KIR3DL3: variants seen among roughly 807,000 people sequenced by gnomAD.
The protein encoded by KIR3DL3 is killer cell immunoglobulin like receptor, three Ig domains and long cytoplasmic tail 3, also known as killer cell immunoglobulin-like receptor 3DL3.
Under a neutral mutation model 34.9 loss-of-function variants are expected in KIR3DL3, and 27 were observed. The observed-to-expected ratio is 0.77, with a 90% CI of 0.57 to 1.07. KIR3DL3 has a LOEUF of 1.07. Among genes scored for constraint, KIR3DL3 ranks in the 50% least tolerant of loss-of-function variants. KIR3DL3 has a pLI of 0.00. For missense variants in KIR3DL3, 681 were observed against 528.5 expected, an observed-to-expected ratio of 1.29 and a Z score of -2.83; for synonymous variants, 217 against 200.2, an observed-to-expected ratio of 1.08 and a Z score of -0.71.
chr19:54,731,167 G>A (rs1182586475), intron 5 of KIR3DL3, among the ~76,000 whole-genome samples: 7 of 151,616 alleles, frequency 4.6e-5, no homozygotes, highest in South Asian at 4.2e-4. Context: ...CACCACACTC[G>A]GCTAATTTTT....
At chr19:54,732,933 A>G (rs1242097698) in intron 5 of KIR3DL3, among the ~76,000 whole-genome samples, 1 of 152,186 alleles carries the variant, frequency 6.6e-6, no homozygotes, top group Non-Finnish European at 1.5e-5. Context: ...AGTGACCGAC[A>G]TGAAAATAAG....
chr19:54,725,270 T>C lies in KIR3DL3; in HGVS notation c.58T>C (p.Trp20Arg), dbSNP rs1368128362. The C allele has an allele frequency of 2.5e-6, 4 of 1,592,604 alleles. No individual in the cohort carries two copies. The South Asian group carries it at 4.6e-5, about 18-fold the overall frequency. ...AGGGTTCTTCTTGCTGGAGGGGCCCTGGCCACATGTGGGTGAGTCCTTCCC... is the reference window on the plus strand; with the variant it reads ...AGGGTTCTTCTTGCTGGAGGGGCCCCGGCCACATGTGGGTGAGTCCTTCCC... ...CVGFFLLEGP[W>R]PHVGGQDKPF... The change falls in exon 2 of 8, where the codon TGG (tryptophan) becomes CGG (arginine). Residue 20 changes from tryptophan (W) to arginine (R), a missense_variant. Coordinates refer to ENST00000291860, the MANE Select transcript of KIR3DL3 (RefSeq NM_153443.5).
intron 5 of KIR3DL3, among the ~76,000 whole-genome samples, 191 bp downstream of exon 5, chr19:54,729,977 C>T (rs1371854530): frequency 6.8e-6 from 1 of 147,876 alleles, no homozygotes; most frequent in African/African-American, 2.5e-5. Context: ...TGCAAGGATG[C>T]CCTTGATCAG....
At chr19:54,726,449 A>G (rs1178548967) in intron 3 of KIR3DL3, 112 bp downstream of exon 3, 1 of 1,344,964 alleles carries the variant, frequency 7.4e-7, no homozygotes, top group Middle Eastern at 2.6e-4. Context: ...TATTTGGGGT[A>G]AAGGGGGATT....
intron 4 of KIR3DL3, among the ~76,000 whole-genome samples, chr19:54,728,176 A>G (rs1357969527): frequency 6.7e-6 from 1 of 150,116 alleles, no homozygotes; most frequent in South Asian, 2.2e-4. Context: ...AGACAGACAT[A>G]TCCCAGAGAG....
At chr19:54,731,076 G>A (rs986719322) in intron 5 of KIR3DL3, among the ~76,000 whole-genome samples, 55 of 151,224 alleles carry the variant, frequency 3.6e-4, no homozygotes, top group Non-Finnish European at 6.6e-4. Context: ...GCGCCATCTG[G>A]GCTCACTGCA....
chr19:54,732,865 G>C (rs1224168360), intron 5 of KIR3DL3, among the ~76,000 whole-genome samples: 1 of 152,078 alleles, frequency 6.6e-6, no homozygotes, highest in Non-Finnish European at 1.5e-5. Flanking sequence ...GCATGTTTTT[G>C]ATACTCACAG....
intron 4 of KIR3DL3, 49 bp from the exon 5 acceptor site, chr19:54,729,444 C>A: frequency 1.4e-6 from 2 of 1,433,022 alleles, no homozygotes; most frequent in Non-Finnish European, 9.5e-7. Context: ...GTGAGGAGAG[C>A]TGTGACAAGG....
chr19:54,725,902 T>C, intron 2 of KIR3DL3, 151 bp from the exon 3 acceptor site: 1 of 675,720 alleles, frequency 1.5e-6, no homozygotes, highest in Non-Finnish European at 2.6e-6. Context: ...GGAGACGCCA[T>C]GTCTATGCGG....
At position 54,726,332 on chromosome 19, in the gene KIR3DL3, T is replaced by C; in HGVS notation, c.350T>C (p.Val117Ala). The C allele has an allele frequency of 6.2e-7, 1 of 1,613,280 alleles. No homozygotes were observed. Among genetic ancestry groups the C allele is most frequent in the Non-Finnish European group, 8.5e-7 (1 of 1,179,854 alleles). ...CCCAGCAACCCTGTGGTGATCATGG[T>C]CACAGGTCAGAGGCTTTCTGTCTGG... Reference protein sequence around the residue: ...SAPSNPVVIMVTGVHRKPSLL... With the variant: ...SAPSNPVVIMATGVHRKPSLL... Residue 117 changes from valine to alanine, a missense_variant, in exon 3 of 8, where the codon GTC (valine) becomes GCC (alanine). By Grantham distance (64) the Val-to-Ala change is moderately conservative (BLOSUM62 0). Coordinates refer to ENST00000291860, the MANE Select transcript of KIR3DL3 (RefSeq NM_153443.5).
chr19:54,727,613 G>T lies in KIR3DL3; in HGVS notation c.358G>T (p.Val120Phe). ...GAACTCACAACCTCTCTTCTTAGGA[G>T]TCCACAGAAAACCTTCCCTCCTGGC... ...SNPVVIMVTG[V>F]HRKPSLLAHP... is the part of the protein sequence containing the mutation. The change falls in exon 4 of 8, where the codon GTC becomes TTC. Residue 120 changes from valine to phenylalanine, a missense_variant and splice_region_variant. Coordinates refer to ENST00000291860, the MANE Select transcript of KIR3DL3 (RefSeq NM_153443.5). 2.5e-6 allele frequency: 4 copies of T among 1,610,288 alleles called. No homozygotes were observed. The highest frequency in any genetic ancestry group is 3.4e-6 in the Non-Finnish European group (4 of 1,178,956).
intron 6 of KIR3DL3, 38 bp downstream of exon 6, chr19:54,735,395 C>T (rs1397160769): frequency 5.1e-6 from 5 of 988,928 alleles, no homozygotes; most frequent in South Asian, 3.9e-5. Context: ...AGCTCAGGGC[C>T]ATGTGGGGAA....
At chr19:54,730,014 A>G (rs2068636880) in intron 5 of KIR3DL3, among the ~76,000 whole-genome samples, 1 of 150,532 alleles carries the variant, frequency 6.6e-6, no homozygotes, top group Non-Finnish European at 1.5e-5. Flanking sequence ...GCAGATGGAG[A>G]AAGAGGTCAG....
At chr19:54,732,430 AT>A (rs35813733) in intron 5 of KIR3DL3, among the ~76,000 whole-genome samples, 121,642 of 150,834 alleles carry the variant, frequency 0.81, 49,494 homozygotes, top group East Asian at 0.99. Flanking sequence ...TTTTTGGTAT[AT>A]TTTTTTAGTA....
Position 54,726,088 on chromosome 19 carries a change from G to A in KIR3DL3, c.106G>A (p.Gly36Ser), listed in dbSNP as rs1415918822. 4.5e-5 allele frequency: 72 copies of A among 1,610,832 alleles called. No individual in the cohort carries two copies. The highest frequency in any genetic ancestry group is 1.7e-4 in the Middle Eastern group (1 of 6,054). Residue 36 changes from glycine (G) to serine (S), a missense_variant, in exon 3 of 8, where the codon GGC (glycine) becomes AGC (serine). Coordinates refer to ENST00000291860, the MANE Select transcript of KIR3DL3 (RefSeq NM_153443.5). ...QDKPFLSAWP[G>S]TVVSEGQHVT... ...CAAGCCCTTCCTCTCTGCCTGGCCC[G>A]GCACTGTGGTGTCTGAAGGACAACA...
chr19:54,727,548 T>C, intron 3 of KIR3DL3, 63 bp from the exon 4 acceptor site: 1 of 1,500,226 alleles, frequency 6.7e-7, no homozygotes, highest in Admixed American at 2.0e-5. Context: ...CTCACTTATT[T>C]CAGGTCCCAT....
intron 4 of KIR3DL3, among the ~76,000 whole-genome samples, chr19:54,728,842 A>G (rs1034786961): frequency 2.5e-4 from 38 of 149,554 alleles, no homozygotes; most frequent in African/African-American, 9.3e-4. Context: ...CAGATGATAG[A>G]TGGACAGATA....
chr19:54,734,467 G>A (rs1192292977), intron 5 of KIR3DL3, among the ~76,000 whole-genome samples: 3 of 151,832 alleles, frequency 2.0e-5, no homozygotes, highest in African/African-American at 7.3e-5. Context: ...CATATGCAGT[G>A]TATCTGGGGG....
intron 2 of KIR3DL3, 102 bp from the exon 3 acceptor site, chr19:54,725,951 T>C (rs1464069384): frequency 8.7e-7 from 1 of 1,154,068 alleles, no homozygotes; most frequent in African/African-American, 1.5e-5. Context: ...CCAGGTGTGG[T>C]AGGAGCCTTA....
Sources: gnomAD v4.1 joint callset for allele counts (sites outside exome capture counted in the v4.1 genomes callset) on GRCh38, gnomAD v4.1.1 for gene constraint, MANE v1.5 for transcripts, NCBI Gene and HGNC (gene_info 2026-07-23, HGNC 2026-07-21) for gene names.